The following KCTD8 variants were observed in gnomAD, a reference collection of about 807,000 sequenced individuals.
KCTD8 encodes the protein potassium channel tetramerization domain containing 8, also known as BTB/POZ domain-containing protein KCTD8.
A neutral mutation model predicts 31.5 loss-of-function variants in KCTD8; 27 were observed. That is an observed-to-expected ratio of 0.86 (90% CI 0.63 to 1.18). KCTD8 has a LOEUF of 1.18. Ranked by LOEUF, KCTD8 falls within the 50% of genes most tolerant of loss-of-function variation. The pLI is 0.00. For missense variants in KCTD8, 658 were observed against 647.7 expected (o/e 1.02, Z -0.17); for synonymous variants, 290 against 280.0 (o/e 1.04, Z -0.36).
chr4:44,336,966 A>T (rs1314274664), intron 1 of KCTD8, among the ~76,000 whole-genome samples: 1 of 152,114 alleles, frequency 6.6e-6, no homozygotes, highest in Non-Finnish European at 1.5e-5. Context: ...TATGGAAAAA[A>T]ATTAAATAAA....
At chr4:44,330,113 T>C (rs1414004746) in intron 1 of KCTD8, among the ~76,000 whole-genome samples, 1 of 152,000 alleles carries the variant, frequency 6.6e-6, no homozygotes, top group Non-Finnish European at 1.5e-5. Flanking sequence ...TTTTTCATTG[T>C]AACTAAAAAC....
At chr4:44,226,188 C>T (rs1199821508) in intron 1 of KCTD8, among the ~76,000 whole-genome samples, 1 of 152,102 alleles carries the variant, frequency 6.6e-6, no homozygotes, top group African/African-American at 2.4e-5. Context: ...CTCTCCCTCC[C>T]TTTGGCCCCC....
intron 1 of KCTD8, among the ~76,000 whole-genome samples, chr4:44,414,055 A>G (rs1721017886): frequency 6.6e-6 from 1 of 152,164 alleles, no homozygotes; most frequent in Non-Finnish European, 1.5e-5. Flanking sequence ...TGACACCTAG[A>G]TTTTAGCCCA....
At chr4:44,353,338 A>T (rs534620434) in intron 1 of KCTD8, among the ~76,000 whole-genome samples, 62 of 152,124 alleles carry the variant, frequency 4.1e-4, no homozygotes, top group African/African-American at 1.4e-3. Context: ...TTTTATTTAT[A>T]ATTATTACAA....
intron 1 of KCTD8, among the ~76,000 whole-genome samples, chr4:44,399,143 T>G (rs1205751103): frequency 2.0e-5 from 3 of 152,110 alleles, no homozygotes; most frequent in African/African-American, 7.2e-5. Context: ...CAGGAGCACC[T>G]AAGGGGGCTG....
intron 1 of KCTD8, among the ~76,000 whole-genome samples, chr4:44,405,333 C>G (rs1471588569): frequency 6.6e-6 from 1 of 152,150 alleles, no homozygotes; most frequent in East Asian, 1.9e-4. Context: ...TCTCAGCTCA[C>G]TGCAATCTTG....
chr4:44,411,093 T>C (rs775552032), intron 1 of KCTD8, among the ~76,000 whole-genome samples: 2 of 152,188 alleles, frequency 1.3e-5, no homozygotes, highest in Non-Finnish European at 2.9e-5. Flanking sequence ...AAACTCCATA[T>C]GTCTCACAAT....
At chr4:44,343,092 A>C (rs1352525277) in intron 1 of KCTD8, among the ~76,000 whole-genome samples, 1 of 152,214 alleles carries the variant, frequency 6.6e-6, no homozygotes, top group African/African-American at 2.4e-5. Flanking sequence ...TTTTCCACTC[A>C]CAAATTGGCT....
intron 1 of KCTD8, among the ~76,000 whole-genome samples, chr4:44,383,006 CCAA>C (rs1720113556): frequency 7.9e-6 from 1 of 127,234 alleles, no homozygotes; most frequent in South Asian, 3.0e-4. Context: ...TTTCTATACA[CCAA>C]CAACAAACTA....
chr4:44,210,182 G>A (rs970027470), intron 1 of KCTD8, among the ~76,000 whole-genome samples: 5 of 152,112 alleles, frequency 3.3e-5, no homozygotes, highest in Admixed American at 3.3e-4. Context: ...CCCTGAAAGT[G>A]TATTCTCTTT....
chr4:44,243,741 C>T (rs1306650898), intron 1 of KCTD8, among the ~76,000 whole-genome samples: 2 of 152,186 alleles, frequency 1.3e-5, no homozygotes. Flanking sequence ...AGTTCCAAAG[C>T]CAGACAGCTG....
chr4:44,442,396 G>A (rs1419594329), intron 1 of KCTD8, among the ~76,000 whole-genome samples: 2 of 152,132 alleles, frequency 1.3e-5, no homozygotes, highest in Non-Finnish European at 2.9e-5. Flanking sequence ...AGACCAGCCT[G>A]TCCAACACGG....
At chr4:44,435,095 C>T (rs1721610595) in intron 1 of KCTD8, among the ~76,000 whole-genome samples, 1 of 151,938 alleles carries the variant, frequency 6.6e-6, no homozygotes, top group South Asian at 2.1e-4. Context: ...AGTAGAATAG[C>T]TTCTAATCTA....
At chr4:44,363,612 A>C (rs567930813) in intron 1 of KCTD8, among the ~76,000 whole-genome samples, 2 of 152,298 alleles carry the variant, frequency 1.3e-5, no homozygotes, top group African/African-American at 4.8e-5. Flanking sequence ...TTATGTGTTC[A>C]AAACAACATA....
At chr4:44,235,239 T>A (rs1289133876) in intron 1 of KCTD8, among the ~76,000 whole-genome samples, 1 of 150,578 alleles carries the variant, frequency 6.6e-6, no homozygotes, top group Non-Finnish European at 1.5e-5. Context: ...CCCTCAAAAC[T>A]TTTTATACAT....
In KCTD8 at chr4:44,442,052, T is replaced by C. The variant is rs565476771; in HGVS notation, c.961+5511A>G. ...AAAAAGATAGCATATAAACCAGCTATATAGTATGACCATGACTTTTTAAAA... is the reference window on the plus strand; with the variant it reads ...AAAAAGATAGCATATAAACCAGCTACATAGTATGACCATGACTTTTTAAAA... On this transcript the variant is annotated intron_variant, in intron 1 of 1. Coordinates refer to ENST00000360029, the MANE Select transcript of KCTD8 (RefSeq NM_198353.3). Among the ~76,000 whole-genome samples, 6 of 152,272 alleles carry C rather than the reference T, an allele frequency of 3.9e-5. No homozygotes were observed. The East Asian group carries it at 5.8e-4, about 15-fold the overall frequency.
intron 1 of KCTD8, among the ~76,000 whole-genome samples, chr4:44,341,663 C>T (rs184575223): frequency 3.3e-5 from 5 of 152,300 alleles, no homozygotes; most frequent in African/African-American, 1.2e-4. Context: ...CATTAAACTG[C>T]AGCACTCCAC....
intron 1 of KCTD8, among the ~76,000 whole-genome samples, chr4:44,408,535 T>G (rs2109461939): frequency 6.6e-6 from 1 of 152,350 alleles, no homozygotes; most frequent in East Asian, 1.9e-4. Context: ...TTTAATATAT[T>G]TAAAAGTCAG....
intron 1 of KCTD8, among the ~76,000 whole-genome samples, chr4:44,224,231 T>C (rs1714884734): frequency 6.6e-6 from 1 of 152,244 alleles, no homozygotes; most frequent in Non-Finnish European, 1.5e-5. Context: ...CTTATTCTGG[T>C]ACTCAAAAGC....
Sources: allele counts gnomAD v4.1 joint callset (sites outside exome capture counted in the v4.1 genomes callset), GRCh38; gene constraint gnomAD v4.1.1; transcripts MANE v1.5; gene names NCBI Gene and HGNC (gene_info 2026-07-23, HGNC 2026-07-21).